Variants in PPARD observed in about 807,000 individuals in gnomAD.
The protein encoded by PPARD is peroxisome proliferator-activated receptor delta.
A neutral mutation model predicts 39.5 loss-of-function variants in PPARD; 6 were observed. The ratio of observed to expected loss-of-function variants is 0.15; its 90% CI spans 0.08 to 0.30. The LOEUF is 0.30. PPARD is among the 10% of genes least tolerant of loss of function. PPARD has a pLI of 1.00. For missense variants in PPARD, 397 were observed against 596.8 expected (o/e 0.67, Z 3.49); for synonymous variants, 210 against 231.3 (o/e 0.91, Z 0.83).
chr6:35,419,551 A>G (rs907939462), intron 3 of PPARD, among the ~76,000 whole-genome samples: 2 of 152,178 alleles, frequency 1.3e-5, no homozygotes, highest in Non-Finnish European at 2.9e-5. Context: ...AGAAGTTTTC[A>G]TGGGAATGAA....
At chr6:35,379,831 T>C (rs570625696) in intron 2 of PPARD, among the ~76,000 whole-genome samples, 1 of 152,374 alleles carries the variant, frequency 6.6e-6, no homozygotes, top group Non-Finnish European at 1.5e-5. Flanking sequence ...CCAAATGTGC[T>C]CTCTCTTGGT....
chr6:35,345,454 T>C (rs1454254679), intron 1 of PPARD, among the ~76,000 whole-genome samples: 1 of 151,994 alleles, frequency 6.6e-6, no homozygotes, highest in Non-Finnish European at 1.5e-5. Context: ...CTCAGCTAAT[T>C]AAAAAACAAT....
chr6:35,383,080 A>G (rs976410660), intron 2 of PPARD, among the ~76,000 whole-genome samples: 13 of 152,240 alleles, frequency 8.5e-5, no homozygotes, highest in Middle Eastern at 6.8e-3. Flanking sequence ...TGTCACTGAC[A>G]GGAGTGGAGA....
intron 3 of PPARD, among the ~76,000 whole-genome samples, chr6:35,418,073 G>T (rs1342586251): frequency 6.6e-6 from 1 of 152,218 alleles, no homozygotes; most frequent in Admixed American, 6.5e-5. Flanking sequence ...ACAAGACTCG[G>T]TGGTGGAAGT....
intron 1 of PPARD, among the ~76,000 whole-genome samples, chr6:35,343,418 A>G (rs1439993403): frequency 3.3e-5 from 5 of 151,866 alleles, no homozygotes; most frequent in Admixed American, 6.6e-5. Flanking sequence ...TGTCCCCTAC[A>G]TTCCTGTCGC....
At chr6:35,404,793 CTTCTAACT>C (rs1430576894) in intron 2 of PPARD, among the ~76,000 whole-genome samples, 1 of 152,202 alleles carries the variant, frequency 6.6e-6, no homozygotes, top group East Asian at 1.9e-4. Flanking sequence ...TTGGGTTAAG[CTTCTAACT>C]ACCACTGCCC....
intron 2 of PPARD, among the ~76,000 whole-genome samples, chr6:35,409,068 TC>T (rs1562214367): frequency 1.3e-5 from 2 of 152,162 alleles, no homozygotes; most frequent in Non-Finnish European, 2.9e-5. Context: ...TTCCAGGTTT[TC>T]CCACTCTAAT....
chr6:35,411,757 G>A (rs991505137), intron 3 of PPARD, among the ~76,000 whole-genome samples: 104 of 152,314 alleles, frequency 6.8e-4, no homozygotes, highest in African/African-American at 2.5e-3. Flanking sequence ...AGCAGTTGTA[G>A]CTTCTCCTGT....
intron 2 of PPARD, among the ~76,000 whole-genome samples, chr6:35,406,117 G>T: frequency 6.6e-6 from 1 of 151,988 alleles, no homozygotes; most frequent in Admixed American, 6.6e-5. Flanking sequence ...GTAGAGACAG[G>T]GTTTTGCCAT....
intron 2 of PPARD, among the ~76,000 whole-genome samples, chr6:35,374,815 C>T (rs1448023158): frequency 2.0e-5 from 3 of 152,134 alleles, no homozygotes; most frequent in South Asian, 2.1e-4. Context: ...GCCAGACTTG[C>T]TCTTCTTCCC....
At chr6:35,343,828 A>G (rs957804752) in intron 1 of PPARD, among the ~76,000 whole-genome samples, 4 of 152,036 alleles carry the variant, frequency 2.6e-5, no homozygotes, top group African/African-American at 9.7e-5. Flanking sequence ...GGATGTGTGG[A>G]ATACACTTAT....
intron 2 of PPARD, among the ~76,000 whole-genome samples, chr6:35,373,455 C>T (rs1336210665): frequency 6.6e-6 from 1 of 152,078 alleles, no homozygotes; most frequent in East Asian, 1.9e-4. Flanking sequence ...ATCAATGTAC[C>T]CCTGTAATTA....
intron 4 of PPARD, 139 bp from the exon 5 acceptor site, chr6:35,421,681 C>T (rs978724388): frequency 2.4e-6 from 2 of 837,862 alleles, no homozygotes; most frequent in East Asian, 2.6e-5. Flanking sequence ...CTTTCCTTCT[C>T]CATCTCCCCT....
intron 2 of PPARD, among the ~76,000 whole-genome samples, chr6:35,367,792 G>T (rs965129369): frequency 1.3e-5 from 2 of 152,204 alleles, no homozygotes; most frequent in Non-Finnish European, 2.9e-5. Flanking sequence ...GCATCTGGGG[G>T]CCAAGACAGT....
intron 2 of PPARD, among the ~76,000 whole-genome samples, chr6:35,406,481 G>A (rs1405115029): frequency 6.6e-6 from 1 of 152,160 alleles, no homozygotes; most frequent in South Asian, 2.1e-4. Flanking sequence ...AAAATGGCAG[G>A]CTTCTGGCAA....
chr6:35,368,496 C>A (rs1208941805), intron 2 of PPARD, among the ~76,000 whole-genome samples: 2 of 152,190 alleles, frequency 1.3e-5, no homozygotes, highest in African/African-American at 4.8e-5. Flanking sequence ...CTTCCTCATG[C>A]CTATTGAATT....
At chr6:35,343,929 G>A (rs968354740) in intron 1 of PPARD, among the ~76,000 whole-genome samples, 8 of 151,980 alleles carry the variant, frequency 5.3e-5, no homozygotes, top group Non-Finnish European at 1.2e-4. Context: ...CAGAAGCTGT[G>A]CTCCAGAAAA....
intron 2 of PPARD, among the ~76,000 whole-genome samples, chr6:35,382,471 G>A (rs560918345): frequency 6.6e-6 from 1 of 152,312 alleles, no homozygotes; most frequent in East Asian, 1.9e-4. Flanking sequence ...TGTTAATTAT[G>A]TGTAAAAATA....
In PPARD at chr6:35,426,266, A is replaced by C. The variant is rs2150870120; in HGVS notation, c.*187A>C. On this transcript the variant is annotated 3_prime_UTR_variant, in exon 8 of 8. Transcript: ENST00000360694. Reference sequence around the variant, plus strand: ...GCCCTCTCTCCCGCTTCCTCCAGCCAGCTCTCTTCCTGTCTTTGTTGTCTC... The same window carrying C: ...GCCCTCTCTCCCGCTTCCTCCAGCCCGCTCTCTTCCTGTCTTTGTTGTCTC... The C allele has an allele frequency of 1.4e-6, 1 of 698,404 alleles. No individual in the cohort carries two copies. Among genetic ancestry groups the C allele is most frequent in the South Asian group, 1.9e-5 (1 of 51,792 alleles). The allele number at this position is 698,404 out of a possible 1,614,324, so 43.3% of individuals were successfully genotyped here.
Sources: gnomAD v4.1 joint callset for allele counts (sites outside exome capture counted in the v4.1 genomes callset) on GRCh38, gnomAD v4.1.1 for gene constraint, MANE v1.5 for transcripts, NCBI Gene and HGNC (gene_info 2026-07-23, HGNC 2026-07-21) for gene names.